DEPDC1B: variants seen among roughly 807,000 people sequenced by gnomAD.
The protein encoded by DEPDC1B is DEP domain containing 1B.
DEPDC1B carries 51 observed loss-of-function variants against 66.5 expected under a neutral mutation model. That is an observed-to-expected ratio of 0.77 (90% CI 0.61 to 0.97). The LOEUF (loss-of-function observed/expected upper bound fraction) is 0.97. Among genes scored for constraint, DEPDC1B ranks in the 50% least tolerant of loss-of-function variants. DEPDC1B has a pLI of 0.00. For synonymous variants in DEPDC1B, 226 were observed against 223.6 expected, an observed-to-expected ratio of 1.01 and a Z score of -0.10; for missense variants, 552 against 637.1, an observed-to-expected ratio of 0.87 and a Z score of 1.44.
chr5:60,652,500 G>C (rs1169996988), intron 2 of DEPDC1B, among the ~76,000 whole-genome samples: 2 of 149,240 alleles, frequency 1.3e-5, no homozygotes, highest in African/African-American at 5.0e-5. Flanking sequence ...AAAGAAATCT[G>C]GTTAAAGGTT....
chr5:60,611,166 AT>A (rs760964971), intron 7 of DEPDC1B, among the ~76,000 whole-genome samples: 18 of 152,100 alleles, frequency 1.2e-4, no homozygotes, highest in Non-Finnish European at 2.4e-4. Context: ...TTTAATTATT[AT>A]TTTATCTATT....
At chr5:60,614,066 C>T (rs1485185611) in intron 7 of DEPDC1B, among the ~76,000 whole-genome samples, 4 of 152,112 alleles carry the variant, frequency 2.6e-5, no homozygotes, top group African/African-American at 9.7e-5. Context: ...GGATTTACAC[C>T]TTTGTAAATC....
chr5:60,653,606 A>T (rs1332248258), intron 2 of DEPDC1B, among the ~76,000 whole-genome samples: 1 of 152,080 alleles, frequency 6.6e-6, no homozygotes, highest in Non-Finnish European at 1.5e-5. Flanking sequence ...TTTTAGTTTA[A>T]TTAAGTCCCA....
intron 2 of DEPDC1B, among the ~76,000 whole-genome samples, chr5:60,675,057 T>G (rs921147803): frequency 6.6e-6 from 1 of 152,086 alleles, no homozygotes; most frequent in Non-Finnish European, 1.5e-5. Flanking sequence ...CCCCTTTGCA[T>G]GCCTCATTCA....
chr5:60,687,440 T>C (rs1039447624), intron 1 of DEPDC1B, among the ~76,000 whole-genome samples: 5 of 152,166 alleles, frequency 3.3e-5, no homozygotes, highest in African/African-American at 1.2e-4. Flanking sequence ...ACACTGTGAA[T>C]GTTCTTAGTG....
At chr5:60,668,137 T>TA (rs1753933309) in intron 2 of DEPDC1B, among the ~76,000 whole-genome samples, 1 of 23,450 alleles carries the variant, frequency 4.3e-5, no homozygotes, top group African/African-American at 2.0e-4. Flanking sequence ...AATGGATATT[T>TA]TATATATATA....
chr5:60,680,885 A>T (rs1485368537), intron 2 of DEPDC1B, among the ~76,000 whole-genome samples: 1 of 152,246 alleles, frequency 6.6e-6, no homozygotes, highest in Non-Finnish European at 1.5e-5. Context: ...GTGAAAATAG[A>T]GGCAGCCTGG....
At chr5:60,613,586 C>G (rs1388664136) in intron 7 of DEPDC1B, among the ~76,000 whole-genome samples, 1 of 151,932 alleles carries the variant, frequency 6.6e-6, no homozygotes, top group South Asian at 2.1e-4. Flanking sequence ...CATGGAAACC[C>G]CAAGGAGACT....
At chr5:60,659,867 T>A (rs1463781402) in intron 2 of DEPDC1B, among the ~76,000 whole-genome samples, 1 of 152,220 alleles carries the variant, frequency 6.6e-6, no homozygotes, top group Non-Finnish European at 1.5e-5. Flanking sequence ...ATCTAAGCTA[T>A]GAACCCAGGG....
chr5:60,645,791 C>A (rs934947431), intron 3 of DEPDC1B, among the ~76,000 whole-genome samples, 172 bp from the exon 4 acceptor site: 1 of 151,960 alleles, frequency 6.6e-6, no homozygotes, highest in African/African-American at 2.4e-5. Flanking sequence ...TTTACATGGA[C>A]CTCAGAGAAG....
In DEPDC1B at chr5:60,602,805, C is replaced by T. The variant is rs576504087; in HGVS notation, c.1242+586G>A. On this transcript the variant is annotated intron_variant, in intron 9 of 10. Coordinates refer to ENST00000265036, the MANE Select transcript of DEPDC1B (RefSeq NM_018369.3). ...TGAGGAAAGAAAGTAAAATCCAAAG[C>T]GGTTAAGGGACTTGCCCAGAGTCAC... 2.7e-3 allele frequency among the ~76,000 whole-genome samples: 405 copies of T among 152,194 alleles called. 1 individual carries two copies. Among genetic ancestry groups the T allele is most frequent in the Middle Eastern group, 6.8e-3 (2 of 294 alleles).
At chr5:60,609,570 T>C (rs1216768802) in intron 7 of DEPDC1B, among the ~76,000 whole-genome samples, 2 of 152,186 alleles carry the variant, frequency 1.3e-5, no homozygotes, top group South Asian at 2.1e-4. Flanking sequence ...AGGATGAGGT[T>C]CCTGTCACCT....
intron 7 of DEPDC1B, among the ~76,000 whole-genome samples, chr5:60,624,296 G>C (rs897947842): frequency 6.6e-6 from 1 of 152,062 alleles, no homozygotes; most frequent in Non-Finnish European, 1.5e-5. Context: ...GAATTATACT[G>C]ATTGATTTTA....
At chr5:60,602,530 A>G (rs948190379) in intron 9 of DEPDC1B, among the ~76,000 whole-genome samples, 1 of 152,212 alleles carries the variant, frequency 6.6e-6, no homozygotes, top group Non-Finnish European at 1.5e-5. Flanking sequence ...GAAGGAGTCA[A>G]GTGGACCTTC....
rs546478211 is a variant in DEPDC1B, at chr5:60,597,062, G to C, written c.*691C>G. On this transcript the variant is annotated 3_prime_UTR_variant, in exon 11 of 11. Transcript: ENST00000265036. ...TAAGGGTACCCAAAGAATTTATCCA[G>C]TTCAACTTTCCATTTTTAGCTAAGA... 1 of 152,688 alleles carries C rather than the reference G, an allele frequency of 6.5e-6. No individual in the cohort carries two copies. The highest frequency in any genetic ancestry group is 2.1e-4 in the South Asian group (1 of 4,830). The allele number at this position is 152,688 out of a possible 1,614,324, so 9.5% of individuals were successfully genotyped here. A position where few individuals can be genotyped will look rare whatever the true frequency, so the allele number is the denominator to read the frequency against.
chr5:60,663,512 C>T (rs1441503310), intron 2 of DEPDC1B, among the ~76,000 whole-genome samples: 1 of 152,180 alleles, frequency 6.6e-6, no homozygotes, highest in Non-Finnish European at 1.5e-5. Context: ...GAGTGGTTTA[C>T]AGTCCTGGAC....
chr5:60,624,209 T>G (rs1752765039), intron 7 of DEPDC1B, among the ~76,000 whole-genome samples: 1 of 152,202 alleles, frequency 6.6e-6, no homozygotes, highest in Non-Finnish European at 1.5e-5. Flanking sequence ...TAATGGGTGT[T>G]GAATATTGTC....
intron 1 of DEPDC1B, among the ~76,000 whole-genome samples, chr5:60,699,285 C>T (rs943947281): frequency 1.6e-4 from 17 of 109,538 alleles, no homozygotes; most frequent in African/African-American, 5.2e-4. Flanking sequence ...CCAGAGAGGT[C>T]GGCAGACCAA....
chr5:60,604,059 C>G (rs1396464992), intron 8 of DEPDC1B, among the ~76,000 whole-genome samples: 1 of 151,328 alleles, frequency 6.6e-6, no homozygotes, highest in Non-Finnish European at 1.5e-5. Flanking sequence ...CTTATTTTCT[C>G]TAGGATTTTC....
Sources: allele counts gnomAD v4.1 joint callset (sites outside exome capture counted in the v4.1 genomes callset), GRCh38; gene constraint gnomAD v4.1.1; transcripts MANE v1.5; gene names NCBI Gene and HGNC (gene_info 2026-07-23, HGNC 2026-07-21).